SERPINB12: variants seen among roughly 807,000 people sequenced by gnomAD.
SERPINB12 encodes serpin B12.
SERPINB12 carries 57 observed loss-of-function variants against 41.1 expected under a neutral mutation model. The observed-to-expected ratio is 1.39, with a 90% CI of 1.12 to 1.73. The LOEUF (loss-of-function observed/expected upper bound fraction) is 1.73. SERPINB12 is among the 40% of genes most tolerant of loss of function. SERPINB12 has a pLI of 0.00. For missense variants in SERPINB12, 536 were observed against 501.9 expected, an observed-to-expected ratio of 1.07 and a Z score of -0.65; for synonymous variants, 180 against 181.3, an observed-to-expected ratio of 0.99 and a Z score of 0.06.
In SERPINB12 at chr18:63,565,577, T is replaced by C; in HGVS notation, c.838T>C (p.Ser280Pro). ...GCTCAGCATGTTCGTGCTGCTGCCA[T>C]CTCACTCTAAAGATAACCTGAAGGG... ...GKLSMFVLLP[S>P]HSKDNLKGLE... Residue 280 changes from serine to proline, a missense_variant, in exon 7 of 8, where the codon TCT (serine) becomes CCT (proline). Ser to Pro is a moderately conservative substitution (Grantham distance 74). Coordinates refer to ENST00000382768, the MANE Select transcript of SERPINB12 (RefSeq NM_001307928.2). 1 of 1,613,988 alleles carries C rather than the reference T, an allele frequency of 6.2e-7. No individual in the cohort carries two copies. The highest frequency in any genetic ancestry group is 8.5e-7 in the Non-Finnish European group (1 of 1,179,932).
intron 2 of SERPINB12, 36 bp from the exon 3 acceptor site, chr18:63,558,316 A>G (rs751004641): frequency 2.3e-5 from 37 of 1,594,350 alleles, no homozygotes; most frequent in Admixed American, 5.4e-5. Flanking sequence ...CCCTCTGTTC[A>G]TATTATCTGA....
intron 6 of SERPINB12, among the ~76,000 whole-genome samples, chr18:63,565,118 G>A (rs1911049766): frequency 6.6e-6 from 1 of 152,102 alleles, no homozygotes; most frequent in Non-Finnish European, 1.5e-5. Context: ...GCCCGGGAGG[G>A]TGAGGCTGCA....
Position 63,561,142 on chromosome 18 carries a change from C to CA in SERPINB12, c.509dup (p.Asn170LysfsTer3), listed in dbSNP as rs760486497. ...CACGACGATTGAAAGTGTTGATTTCCAAAAAAACCCTGAAAAATCCAGACA... is the reference window on the plus strand; with the variant it reads ...CACGACGATTGAAAGTGTTGATTTCCAAAAAAAACCCTGAAAAATCCAGACA... On this transcript the variant is annotated frameshift_variant, in exon 5 of 8. Transcript: ENST00000382768. LOFTEE classifies it high-confidence loss of function. The CA allele has an allele frequency of 4.7e-5, 76 of 1,612,786 alleles. No individual in the cohort carries two copies. The highest frequency in any genetic ancestry group is 8.9e-5 in the East Asian group (4 of 44,812).
At chr18:63,556,657 G>T in intron 2 of SERPINB12, among the ~76,000 whole-genome samples, 1 of 152,000 alleles carries the variant, frequency 6.6e-6, no homozygotes, top group East Asian at 1.9e-4. Context: ...TATTGCTAGC[G>T]ATTTTTAGTA....
chr18:63,529,106 A>G, the SERPINB12 span, among the ~76,000 whole-genome samples: 4 of 152,182 alleles, frequency 2.6e-5, no homozygotes, highest in Non-Finnish European at 2.9e-5. Flanking sequence ...TAACAAACAG[A>G]GAGGAAAATT....
At chr18:63,519,261 G>T in the SERPINB12 span, among the ~76,000 whole-genome samples, 1 of 152,144 alleles carries the variant, frequency 6.6e-6, no homozygotes, top group Non-Finnish European at 1.5e-5. Context: ...GGGAGACAGG[G>T]ACCACCCTAG....
Position 63,566,702 on chromosome 18 carries a change from C to T in SERPINB12, c.969C>T (p.Thr323=), listed in dbSNP as rs1306964359. The change falls in exon 8 of 8, where the codon ACC becomes ACT. Residue 323 remains threonine (T), a synonymous_variant. Transcript: ENST00000382768. ...TGGTCCTGTCCTTCCCCCGGTTCAC[C>T]CTGGAAGACAGCTATGATCTCAATT... ...ESVVLSFPRF[T]LEDSYDLNSI... is the part of the protein sequence containing the mutation. The T allele has an allele frequency of 6.2e-7, 1 of 1,614,148 alleles. No individual in the cohort carries two copies. The highest frequency in any genetic ancestry group is 8.5e-7 in the Non-Finnish European group (1 of 1,180,018).
chr18:63,552,010 A>G (rs1910543939), intron 1 of SERPINB12, among the ~76,000 whole-genome samples: 1 of 152,240 alleles, frequency 6.6e-6, no homozygotes, highest in Non-Finnish European at 1.5e-5. Flanking sequence ...TAAATCTCAA[A>G]TCATTCTCCC....
the SERPINB12 span, among the ~76,000 whole-genome samples, chr18:63,523,919 A>T: frequency 6.6e-6 from 1 of 152,342 alleles, no homozygotes; most frequent in South Asian, 2.1e-4. Context: ...AACTTCCAAG[A>T]TATTGAATCT....
chr18:63,567,591 T>G lies in SERPINB12; in HGVS notation c.*580T>G, dbSNP rs1391696411. Among the ~76,000 whole-genome samples, 1 of 152,194 alleles carries G rather than the reference T, an allele frequency of 6.6e-6. No homozygotes were observed. The highest frequency in any genetic ancestry group is 1.5e-5 in the Non-Finnish European group (1 of 68,026). Reference sequence around the variant, plus strand: ...AGGACAAGGCAGGGCTTGGGCGTATTTAAGTGATAGCTCAAAGATGTGTGA... The same window carrying G: ...AGGACAAGGCAGGGCTTGGGCGTATGTAAGTGATAGCTCAAAGATGTGTGA... On this transcript the variant is annotated 3_prime_UTR_variant, in exon 8 of 8. Coordinates refer to ENST00000382768, the MANE Select transcript of SERPINB12 (RefSeq NM_001307928.2).
chr18:63,566,765 T>G lies in SERPINB12; in HGVS notation c.1032T>G (p.Asp344Glu). ...ACATGGGCATTACGGATATCTTTGA[T>G]GAAACGAGGGCTGATCTTACTGGAA... ...LQDMGITDIFDETRADLTGIS... is the reference protein window; with the variant it reads ...LQDMGITDIFEETRADLTGIS... Residue 344 changes from aspartate (D) to glutamate (E), a missense_variant, in exon 8 of 8, where the codon GAT becomes GAG. Physicochemically the swap from Asp to Glu is conservative, Grantham distance 45 (BLOSUM62 2). Transcript: ENST00000382768. 1 of 1,614,202 alleles carries G rather than the reference T, an allele frequency of 6.2e-7. No individual in the cohort carries two copies. The highest frequency in any genetic ancestry group is 8.5e-7 in the Non-Finnish European group (1 of 1,180,032).
chr18:63,530,114 G>A, the SERPINB12 span, among the ~76,000 whole-genome samples: 5 of 152,156 alleles, frequency 3.3e-5, no homozygotes, highest in Non-Finnish European at 7.3e-5. Flanking sequence ...ATTGGTAAAT[G>A]ATCTGGGTGA....
chr18:63,568,992 G>C lies in SERPINB12; in HGVS notation c.*1981G>C, dbSNP rs1358532873. 6.6e-6 allele frequency among the ~76,000 whole-genome samples: 1 copy of C among 152,142 alleles called. No individual in the cohort carries two copies. The highest frequency in any genetic ancestry group is 1.5e-5 in the Non-Finnish European group (1 of 68,024). ...AACCAAAAACTTCATGTCCCCTGTGGTTCCTTTTGGGGTTGACGTTTTGGG... is the reference window on the plus strand; with the variant it reads ...AACCAAAAACTTCATGTCCCCTGTGCTTCCTTTTGGGGTTGACGTTTTGGG... On this transcript the variant is annotated 3_prime_UTR_variant, in exon 8 of 8. Transcript: ENST00000382768.
At chr18:63,537,208 C>G in the SERPINB12 span, among the ~76,000 whole-genome samples, 1 of 152,130 alleles carries the variant, frequency 6.6e-6, no homozygotes, top group African/African-American at 2.4e-5. Context: ...TTGGAGACAG[C>G]TAGGGCCCTG....
At chr18:63,566,105 G>T (rs902572277) in intron 7 of SERPINB12, among the ~76,000 whole-genome samples, 1 of 152,152 alleles carries the variant, frequency 6.6e-6, no homozygotes, top group Non-Finnish European at 1.5e-5. Flanking sequence ...TTGTCCAGGG[G>T]GGTAAAGAGA....
the SERPINB12 span, among the ~76,000 whole-genome samples, chr18:63,531,787 T>G: frequency 6.6e-6 from 1 of 152,206 alleles, no homozygotes; most frequent in Non-Finnish European, 1.5e-5. Context: ...AATAATTGTA[T>G]TTATTAAAGT....
chr18:63,558,355 C>T lies in SERPINB12; in HGVS notation c.172C>T (p.Leu58=), dbSNP rs1037963750. The T allele has an allele frequency of 2.5e-6, 4 of 1,613,372 alleles. No individual in the cohort carries two copies. The highest frequency in any genetic ancestry group is 2.5e-6 in the Non-Finnish European group (3 of 1,179,732). ...SDSAHQIDEV[L]HFNEFSQNES... ...ACCCCATCCCGTTATCATGCAGGTA[C>T]TACACTTCAACGAATTTTCCCAGAA... The change falls in exon 3 of 8, where the codon CTA becomes TTA. Residue 58 remains leucine, a synonymous_variant. Transcript: ENST00000382768.
the SERPINB12 span, among the ~76,000 whole-genome samples, chr18:63,531,004 C>T: frequency 1.3e-5 from 2 of 151,904 alleles, no homozygotes; most frequent in African/African-American, 4.8e-5. Flanking sequence ...CTGCATGGCT[C>T]GAAAAAAACA....
At chr18:63,564,178 T>C in intron 6 of SERPINB12, 58 bp downstream of exon 6, 1 of 1,554,802 alleles carries the variant, frequency 6.4e-7, no homozygotes. Flanking sequence ...CCACTAGGAA[T>C]GATTTACAAT....
Sources: gnomAD v4.1 joint callset for allele counts (sites outside exome capture counted in the v4.1 genomes callset) on GRCh38, gnomAD v4.1.1 for gene constraint, MANE v1.5 for transcripts, NCBI Gene and HGNC (gene_info 2026-07-23, HGNC 2026-07-21) for gene names.